Variants in ANKRD17 observed in about 807,000 individuals in gnomAD.
ANKRD17 encodes ankyrin repeat domain-containing protein 17.
In ANKRD17, 19 loss-of-function variants were observed where a neutral mutation model predicts 229.7. That is an observed-to-expected ratio of 0.08 (90% CI 0.06 to 0.12). The LOEUF (loss-of-function observed/expected upper bound fraction) is 0.12, where lower values mean the gene tolerates loss of function less well. Ranked by LOEUF, ANKRD17 falls within the 10% of genes least tolerant of loss-of-function variation. ANKRD17 has a pLI of 1.00. For missense variants in ANKRD17, 2,176 were observed against 3,176.8 expected (o/e 0.68, Z 7.57); for synonymous variants, 1,112 against 1,146.1 (o/e 0.97, Z 0.60).
At chr4:73,119,282 C>A (rs1578106462) in intron 21 of ANKRD17, among the ~76,000 whole-genome samples, 1 of 152,200 alleles carries the variant, frequency 6.6e-6, no homozygotes, top group East Asian at 1.9e-4. Flanking sequence ...TTTCAATATT[C>A]AAAGATGTAA....
At chr4:73,141,652 CTTCT>C (rs1560584005) in intron 14 of ANKRD17, 85 bp downstream of exon 14, 3 of 1,291,136 alleles carry the variant, frequency 2.3e-6, no homozygotes, top group African/African-American at 1.5e-5. Context: ...ACTTAGTAAA[CTTCT>C]TTGTTTGTAG....
intron 1 of ANKRD17, among the ~76,000 whole-genome samples, chr4:73,206,876 G>A (rs1044565120): frequency 1.3e-5 from 2 of 152,136 alleles, no homozygotes; most frequent in African/African-American, 4.8e-5. Context: ...AGGCTGGAGT[G>A]AAGGGGCGTG....
At chr4:73,197,668 A>T (rs936707709) in intron 1 of ANKRD17, among the ~76,000 whole-genome samples, 1 of 152,036 alleles carries the variant, frequency 6.6e-6, no homozygotes, top group Non-Finnish European at 1.5e-5. Flanking sequence ...CATCTCTATT[A>T]AAAAAATTTT....
At chr4:73,179,223 G>A (rs1735118818) in intron 1 of ANKRD17, among the ~76,000 whole-genome samples, 1 of 150,946 alleles carries the variant, frequency 6.6e-6, no homozygotes, top group African/African-American at 2.4e-5. Flanking sequence ...AGTTTAACGT[G>A]GAATAACATT....
chr4:73,124,407 A>G (rs538594205), intron 18 of ANKRD17, among the ~76,000 whole-genome samples: 1 of 152,206 alleles, frequency 6.6e-6, no homozygotes, highest in South Asian at 2.1e-4. Context: ...TTCCTTAAAA[A>G]AACAAAAGGT....
At chr4:73,165,768 A>C (rs1044919955) in intron 2 of ANKRD17, among the ~76,000 whole-genome samples, 2 of 152,224 alleles carry the variant, frequency 1.3e-5, no homozygotes, top group African/African-American at 4.8e-5. Flanking sequence ...AAGCACAAGA[A>C]GGATTCTACT....
At chr4:73,250,048 T>G (rs1166411693) in intron 1 of ANKRD17, among the ~76,000 whole-genome samples, 1 of 152,198 alleles carries the variant, frequency 6.6e-6, no homozygotes, top group Non-Finnish European at 1.5e-5. Context: ...TTTGTGCAGA[T>G]GTAGCATAGC....
intron 1 of ANKRD17, among the ~76,000 whole-genome samples, chr4:73,179,484 G>GTATA (rs1287512668): frequency 1.7e-4 from 11 of 65,668 alleles, no homozygotes; most frequent in African/African-American, 1.9e-4. Flanking sequence ...GTGTGTGTGT[G>GTATA]TGTGTATATA....
intron 2 of ANKRD17, among the ~76,000 whole-genome samples, chr4:73,163,827 A>G (rs1237590357): frequency 6.6e-6 from 1 of 152,204 alleles, no homozygotes; most frequent in Non-Finnish European, 1.5e-5. Context: ...TTTTTAGATT[A>G]GTACTTTTAG....
intron 2 of ANKRD17, among the ~76,000 whole-genome samples, chr4:73,170,312 A>G (rs576789078): frequency 1.6e-4 from 25 of 152,052 alleles, no homozygotes; most frequent in African/African-American, 5.3e-4. Context: ...ATCTTTCTAC[A>G]CACACCCTGT....
chr4:73,094,322 C>T, intron 27 of ANKRD17, 94 bp from the exon 28 acceptor site: 1 of 1,158,132 alleles, frequency 8.6e-7, no homozygotes, highest in Non-Finnish European at 1.2e-6. Context: ...AAATGTCTTT[C>T]TATAAATACA....
At chr4:73,161,970 G>C (rs879489184) in intron 2 of ANKRD17, among the ~76,000 whole-genome samples, 4 of 151,694 alleles carry the variant, frequency 2.6e-5, no homozygotes, top group African/African-American at 4.8e-5. Context: ...ATGAACTCTT[G>C]GGCTCAAGTG....
At chr4:73,151,697 T>A in intron 6 of ANKRD17, among the ~76,000 whole-genome samples, 173 bp from the exon 7 acceptor site, 1 of 152,198 alleles carries the variant, frequency 6.6e-6, no homozygotes, top group East Asian at 1.9e-4. Flanking sequence ...CAAGTGATCT[T>A]GCTGTTCTAC....
chr4:73,172,997 A>G (rs1467352120), intron 2 of ANKRD17, among the ~76,000 whole-genome samples: 1 of 152,224 alleles, frequency 6.6e-6, no homozygotes, highest in Non-Finnish European at 1.5e-5. Flanking sequence ...TTAAAGGACT[A>G]CAACCAAAAC....
At chr4:73,161,124 A>G (rs1732473673) in intron 3 of ANKRD17, 68 bp downstream of exon 3, 4 of 1,560,232 alleles carry the variant, frequency 2.6e-6, no homozygotes, top group Non-Finnish European at 1.7e-6. Flanking sequence ...ATGCTCAGTA[A>G]ATGTTAGCTA....
chr4:73,089,818 C>T (rs970642157), intron 29 of ANKRD17, among the ~76,000 whole-genome samples: 3 of 152,090 alleles, frequency 2.0e-5, no homozygotes, highest in Non-Finnish European at 2.9e-5. Flanking sequence ...TAGATCTTTG[C>T]TGTCCAATAT....
At chr4:73,218,571 A>C (rs1434110614) in intron 1 of ANKRD17, among the ~76,000 whole-genome samples, 2 of 138,152 alleles carry the variant, frequency 1.4e-5, no homozygotes, top group East Asian at 4.6e-4. Context: ...TCAACCCCTG[A>C]GGGGGAGGTT....
At chr4:73,118,121 ATCC>A (rs1399599405) in intron 22 of ANKRD17, among the ~76,000 whole-genome samples, 2 of 152,066 alleles carry the variant, frequency 1.3e-5, no homozygotes, top group African/African-American at 4.8e-5. Flanking sequence ...GGCTCAAGCC[ATCC>A]TCCTATCTCA....
chr4:73,255,074 G>C (rs1745340808), intron 1 of ANKRD17, among the ~76,000 whole-genome samples: 1 of 152,112 alleles, frequency 6.6e-6, no homozygotes, highest in Non-Finnish European at 1.5e-5. Flanking sequence ...GGAGAGGGAG[G>C]CAAGTAGCTC....
Sources: allele counts gnomAD v4.1 joint callset (sites outside exome capture counted in the v4.1 genomes callset), GRCh38; gene constraint gnomAD v4.1.1; transcripts MANE v1.5; gene names NCBI Gene and HGNC (gene_info 2026-07-23, HGNC 2026-07-21).